The following HEMK2 variants were observed in gnomAD, a reference collection of about 807,000 sequenced individuals.
The protein encoded by HEMK2 is HemK methyltransferase 2, ETF1 glutamine and histone H4 lysine, also known as methyltransferase HEMK2.
At chr21:28,879,930 C>T in the HEMK2 span, 2 of 1,602,630 alleles carry the variant, frequency 1.2e-6, no homozygotes, top group Non-Finnish European at 1.7e-6. Flanking sequence ...CTTTTTCGGT[C>T]AATCTTGGTA....
chr21:28,841,026 AATATTAT>A, the HEMK2 span, among the ~76,000 whole-genome samples: 4 of 109,772 alleles, frequency 3.6e-5, no homozygotes, highest in Non-Finnish European at 7.1e-5. Context: ...TATATAAATA[AATATTAT>A]ATATTATATA....
At chr21:28,647,523 AAAG>A in the HEMK2 span, among the ~76,000 whole-genome samples, 1 of 147,958 alleles carries the variant, frequency 6.8e-6, no homozygotes, top group Non-Finnish European at 1.5e-5. Context: ...AAAAAAAAAA[AAAG>A]AAAAAGAAAG....
chr21:28,707,248 C>T, the HEMK2 span, among the ~76,000 whole-genome samples: 321 of 148,680 alleles, frequency 2.2e-3, no homozygotes, highest in African/African-American at 6.8e-3. Flanking sequence ...AAGAGTTGCA[C>T]AATTTTAATT....
At chr21:28,884,057 T>C in the HEMK2 span, among the ~76,000 whole-genome samples, 167 of 152,316 alleles carry the variant, frequency 1.1e-3, 1 homozygote, top group African/African-American at 3.3e-3. Context: ...CAAGTCTTTA[T>C]TAGGTGGTAG....
At chr21:28,694,668 T>C in the HEMK2 span, among the ~76,000 whole-genome samples, 1 of 152,154 alleles carries the variant, frequency 6.6e-6, no homozygotes, top group Non-Finnish European at 1.5e-5. Context: ...GGAACATTTA[T>C]CTCTTCCTGG....
the HEMK2 span, among the ~76,000 whole-genome samples, chr21:28,661,358 T>C: frequency 1.3e-5 from 2 of 152,092 alleles, no homozygotes; most frequent in African/African-American, 4.8e-5. Context: ...CTCTAAGGAC[T>C]ACTTTATTTA....
the HEMK2 span, among the ~76,000 whole-genome samples, chr21:28,841,032 A>G: frequency 0.14 from 14,082 of 98,374 alleles, 1,664 homozygotes; most frequent in East Asian, 0.5. Context: ...AATAAATATT[A>G]TATATTATAT....
chr21:28,729,397 C>T, the HEMK2 span, among the ~76,000 whole-genome samples: 2 of 152,086 alleles, frequency 1.3e-5, no homozygotes, highest in African/African-American at 2.4e-5. Flanking sequence ...GACCTCAAAG[C>T]ACATAAGCCT....
the HEMK2 span, among the ~76,000 whole-genome samples, chr21:28,868,539 C>T: frequency 6.6e-6 from 1 of 152,076 alleles, no homozygotes. Flanking sequence ...AAAAAATTAG[C>T]TGGTTGTGGT....
At chr21:28,693,697 A>G in the HEMK2 span, among the ~76,000 whole-genome samples, 4 of 152,190 alleles carry the variant, frequency 2.6e-5, no homozygotes, top group Non-Finnish European at 4.4e-5. Flanking sequence ...CTTCTTTATC[A>G]TATTAAAGAC....
At chr21:28,765,812 G>T in the HEMK2 span, among the ~76,000 whole-genome samples, 1 of 152,018 alleles carries the variant, frequency 6.6e-6, no homozygotes, top group Non-Finnish European at 1.5e-5. Flanking sequence ...AGAAATTTGA[G>T]AAAGCCAAGT....
the HEMK2 span, among the ~76,000 whole-genome samples, chr21:28,701,573 C>CAT: frequency 2.1e-4 from 31 of 149,634 alleles, no homozygotes; most frequent in Admixed American, 1.8e-3. Context: ...CACACACACA[C>CAT]ACACACACAC....
At chr21:28,701,325 C>T in the HEMK2 span, among the ~76,000 whole-genome samples, 2 of 152,046 alleles carry the variant, frequency 1.3e-5, no homozygotes, top group African/African-American at 4.8e-5. Flanking sequence ...ATATAAAAGG[C>T]ATCCAAATAG....
the HEMK2 span, among the ~76,000 whole-genome samples, chr21:28,642,892 G>GC: frequency 1.3e-5 from 2 of 152,178 alleles, no homozygotes; most frequent in African/African-American, 4.8e-5. Flanking sequence ...TCTTTTATAA[G>GC]CACAGGATGG....
At chr21:28,670,563 C>T in the HEMK2 span, among the ~76,000 whole-genome samples, 4 of 152,312 alleles carry the variant, frequency 2.6e-5, no homozygotes, top group African/African-American at 7.2e-5. Flanking sequence ...GCTGACATTG[C>T]AAGGCAGATC....
the HEMK2 span, among the ~76,000 whole-genome samples, chr21:28,809,741 G>A: frequency 6.6e-6 from 1 of 152,082 alleles, no homozygotes; most frequent in African/African-American, 2.4e-5. Flanking sequence ...GAATTCTAAT[G>A]CTTTTTAAAA....
chr21:28,682,979 T>C, the HEMK2 span, among the ~76,000 whole-genome samples: 2 of 152,068 alleles, frequency 1.3e-5, no homozygotes, highest in Non-Finnish European at 2.9e-5. Flanking sequence ...CACACCAACA[T>C]GGCACATGTA....
At chr21:28,827,610 T>C in the HEMK2 span, among the ~76,000 whole-genome samples, 1 of 152,194 alleles carries the variant, frequency 6.6e-6, no homozygotes, top group African/African-American at 2.4e-5. Flanking sequence ...TTAACTAGTT[T>C]ACCCTCAGTC....
chr21:28,864,913 T>TAGAGATAGATAGATAG, the HEMK2 span, among the ~76,000 whole-genome samples: 1 of 144,088 alleles, frequency 6.9e-6, no homozygotes, highest in Non-Finnish European at 1.5e-5. Flanking sequence ...AGATAGATGA[T>TAGAGATAGATAGATAG]ATAGATAGAT....
Sources: gnomAD v4.1 joint callset for allele counts (sites outside exome capture counted in the v4.1 genomes callset) on GRCh38, gnomAD v4.1.1 for gene constraint, MANE v1.5 for transcripts, NCBI Gene and HGNC (gene_info 2026-07-23, HGNC 2026-07-21) for gene names.